The following ADCY5 variants were observed in gnomAD, a reference collection of about 807,000 sequenced individuals.
The protein encoded by ADCY5 is adenylate cyclase 5.
ADCY5 carries 30 observed loss-of-function variants against 119.7 expected under a neutral mutation model. The ratio of observed to expected loss-of-function variants is 0.25; its 90% CI spans 0.19 to 0.34. ADCY5 has a LOEUF of 0.34. ADCY5 is among the 10% of genes least tolerant of loss of function. The pLI is 1.00. For synonymous variants in ADCY5, 753 were observed against 762.2 expected, an observed-to-expected ratio of 0.99 and a Z score of 0.20; for missense variants, 1,324 against 1,775.2, an observed-to-expected ratio of 0.75 and a Z score of 4.57.
intron 3 of ADCY5, among the ~76,000 whole-genome samples, chr3:123,343,516 G>A (rs1308865033): frequency 4.6e-5 from 7 of 152,176 alleles, no homozygotes; most frequent in Non-Finnish European, 8.8e-5. Flanking sequence ...TGACTCCTGG[G>A]CAAGGGTGAG....
At chr3:123,285,047 A>G (rs773115531) in intron 20 of ADCY5, among the ~76,000 whole-genome samples, 1 of 152,188 alleles carries the variant, frequency 6.6e-6, no homozygotes, top group Non-Finnish European at 1.5e-5. Context: ...GTCCAGAATA[A>G]GTTCAGGAGT....
intron 16 of ADCY5, chr3:123,297,066 C>G (rs1274071406): frequency 1.3e-6 from 2 of 1,535,356 alleles, no homozygotes. Flanking sequence ...TGGGGAAGAG[C>G]TTGAGGTTAA....
intron 1 of ADCY5, among the ~76,000 whole-genome samples, chr3:123,440,290 C>T (rs1167493143): frequency 6.6e-6 from 1 of 152,122 alleles, no homozygotes; most frequent in African/African-American, 2.4e-5. Context: ...GCAGAGGGGA[C>T]CATGAAAGTG....
intron 2 of ADCY5, among the ~76,000 whole-genome samples, chr3:123,351,246 C>T (rs1364781379): frequency 1.3e-5 from 2 of 152,104 alleles, no homozygotes; most frequent in African/African-American, 2.4e-5. Flanking sequence ...GTCTGGATGT[C>T]ACCAGCCATA....
chr3:123,336,554 A>C (rs1478628396), intron 3 of ADCY5, among the ~76,000 whole-genome samples: 1 of 152,160 alleles, frequency 6.6e-6, no homozygotes, highest in African/African-American at 2.4e-5. Flanking sequence ...AAAGTCCCCT[A>C]ATCTAGCAGA....
chr3:123,329,021 G>C (rs1000195307), intron 5 of ADCY5, among the ~76,000 whole-genome samples: 3 of 152,186 alleles, frequency 2.0e-5, no homozygotes, highest in Non-Finnish European at 4.4e-5. Context: ...CTGGCCACAA[G>C]GTGGCGCGGT....
At chr3:123,287,465 T>C (rs1272525429) in intron 19 of ADCY5, among the ~76,000 whole-genome samples, 1 of 152,218 alleles carries the variant, frequency 6.6e-6, no homozygotes, top group South Asian at 2.1e-4. Context: ...TGATGTTCCC[T>C]AGACATTTCC....
intron 3 of ADCY5, among the ~76,000 whole-genome samples, chr3:123,345,753 G>GACAC (rs1942505800): frequency 8.9e-5 from 3 of 33,666 alleles, no homozygotes; most frequent in East Asian, 8.4e-4. Flanking sequence ...CAGACAGACA[G>GACAC]ACAGACAGAC....
intron 1 of ADCY5, among the ~76,000 whole-genome samples, chr3:123,353,708 T>G (rs766260643): frequency 7.2e-5 from 11 of 152,196 alleles, no homozygotes; most frequent in Non-Finnish European, 1.5e-4. Flanking sequence ...AGAGTCTTGC[T>G]GTGGGACGTC....
chr3:123,299,532 C>A (rs147823194), intron 15 of ADCY5, among the ~76,000 whole-genome samples: 2 of 152,242 alleles, frequency 1.3e-5, no homozygotes, highest in Admixed American at 6.5e-5. Context: ...TCTGTCACTA[C>A]ATGACCATGC....
rs1181176391 is a variant in ADCY5 at position 123,289,802 on chromosome 3, G to T, written c.3480C>A (p.Asp1160Glu). 1.9e-6 allele frequency: 3 copies of T among 1,614,100 alleles called. No homozygotes were observed. The highest frequency in any genetic ancestry group is 2.5e-6 in the Non-Finnish European group (3 of 1,180,056). ...AGTGCTCATTGATGTACTTCATCTGGTCCATCAGCTTCATGGCAAAGTCGG... is the reference window on the plus strand; with the variant it reads ...AGTGCTCATTGATGTACTTCATCTGTTCCATCAGCTTCATGGCAAAGTCGG... ...ALADFAMKLM[D>E]QMKYINEHSF... The change falls in exon 19 of 21, where the codon GAC (aspartate) becomes GAA (glutamate). Residue 1160 changes from aspartate (D) to glutamate (E), a missense_variant. Around this residue, in one of 6 missense-constraint regions of ADCY5, gnomAD observed 178 missense variants for 329.6 expected, o/e 0.54. Transcript: ENST00000462833.
chr3:123,337,447 G>T (rs1256629199), intron 3 of ADCY5, among the ~76,000 whole-genome samples: 2 of 152,208 alleles, frequency 1.3e-5, no homozygotes, highest in Non-Finnish European at 1.5e-5. Flanking sequence ...GATTTTTATT[G>T]TCTCGTGGTT....
At position 123,447,499 on chromosome 3, in the gene ADCY5, G is replaced by C. The variant is rs772789349; in HGVS notation, c.1047C>G (p.Ala349=). 6.2e-7 allele frequency: 1 copy of C among 1,611,772 alleles called. No homozygotes were observed. The highest frequency in any genetic ancestry group is 2.2e-5 in the East Asian group (1 of 44,842). ...ACAGGAGCACCCCGCTGAGCACTGC[G>C]GCCCGCATGCGCACGGGCAGCAGCG... ...IYTLLPVRMR[A]AVLSGVLLSA... is the part of the protein sequence containing the mutation. The change falls in exon 1 of 21, where the codon GCC becomes GCG. Residue 349 remains alanine (A), a synonymous_variant. Coordinates refer to ENST00000462833, the MANE Select transcript of ADCY5 (RefSeq NM_183357.3).
chr3:123,336,663 CAT>C (rs1485934189), intron 3 of ADCY5, among the ~76,000 whole-genome samples: 1 of 152,178 alleles, frequency 6.6e-6, no homozygotes, highest in East Asian at 1.9e-4. Flanking sequence ...AAGGCAGACA[CAT>C]GTGGTCCCAG....
At chr3:123,437,476 A>G (rs1945639298) in intron 1 of ADCY5, among the ~76,000 whole-genome samples, 1 of 151,808 alleles carries the variant, frequency 6.6e-6, no homozygotes, top group African/African-American at 2.4e-5. Flanking sequence ...TTGCTGTGTG[A>G]CCTTGGGGAG....
At chr3:123,383,827 C>T (rs1448038224) in intron 1 of ADCY5, among the ~76,000 whole-genome samples, 4 of 151,270 alleles carry the variant, frequency 2.6e-5, no homozygotes, top group Admixed American at 2.6e-4. Context: ...TCAAGGTGCA[C>T]GTGCACACAC....
chr3:123,444,023 G>A (rs546547289), intron 1 of ADCY5, among the ~76,000 whole-genome samples: 1 of 152,322 alleles, frequency 6.6e-6, no homozygotes, highest in Admixed American at 6.5e-5. Flanking sequence ...TGTAATAGTT[G>A]TGTGAGCATG....
chr3:123,293,198 C>G (rs772042742), intron 17 of ADCY5, among the ~76,000 whole-genome samples: 1 of 152,204 alleles, frequency 6.6e-6, no homozygotes, highest in Non-Finnish European at 1.5e-5. Context: ...GAACTCAGAC[C>G]CTGCAGTTAG....
chr3:123,436,991 C>A (rs923539864), intron 1 of ADCY5, among the ~76,000 whole-genome samples: 56 of 152,088 alleles, frequency 3.7e-4, no homozygotes, highest in African/African-American at 1.2e-3. Flanking sequence ...CTAGAAAAAG[C>A]CCCTGAGACA....
Sources: allele counts gnomAD v4.1 joint callset (sites outside exome capture counted in the v4.1 genomes callset), GRCh38; gene constraint gnomAD v4.1.1; regional missense constraint gnomAD v4.1.1; transcripts MANE v1.5; gene names NCBI Gene and HGNC (gene_info 2026-07-23, HGNC 2026-07-21).